The following SHOC1 variants were observed in gnomAD, a reference collection of about 807,000 sequenced individuals.
SHOC1 encodes protein shortage in chiasmata 1 ortholog.
A neutral mutation model predicts 179.2 loss-of-function variants in SHOC1; 136 were observed. The observed-to-expected ratio is 0.76, with a 90% confidence interval of 0.66 to 0.87. The LOEUF is 0.87. Ranked by LOEUF, SHOC1 falls within the 40% of genes least tolerant of loss-of-function variation. SHOC1 has a pLI of 0.00. For missense variants in SHOC1, 1,538 were observed against 1,700.8 expected (o/e 0.90, Z 1.68); for synonymous variants, 489 against 586.6 (o/e 0.83, Z 2.41).
intron 3 of SHOC1, among the ~76,000 whole-genome samples, chr9:111,782,719 A>AC (rs1554724247): frequency 6.6e-6 from 1 of 152,144 alleles, no homozygotes; most frequent in East Asian, 1.9e-4. Context: ...AGGTCTAAAA[A>AC]AAAAACAAAA....
chr9:111,707,725 C>T (rs1832342267), intron 19 of SHOC1, 130 bp downstream of exon 19: 2 of 630,842 alleles, frequency 3.2e-6, no homozygotes, highest in Non-Finnish European at 2.8e-6. Context: ...AAGCATTTTT[C>T]AGGAAGAGGG....
At position 111,758,788 on chromosome 9, in the gene SHOC1, A is replaced by C. The variant is rs1254583038; in HGVS notation, c.503T>G (p.Leu168Trp). The change falls in exon 6 of 28, where the codon TTG becomes TGG. Residue 168 changes from leucine to tryptophan, a missense_variant. By Grantham distance (61) the Leu-to-Trp change is moderately conservative. Coordinates refer to ENST00000682961, the MANE Select transcript of SHOC1 (RefSeq NM_001378211.1). ...TTTTAGTCTACTCAAGAGAGTAGGC[A>C]AAGTTGGTAGGTGTTTTCTACTACT... ...FVSSRKHLPT[L>W]PTLLSRLKLF... is the part of the protein sequence containing the mutation. 1.3e-6 allele frequency: 2 copies of C among 1,593,788 alleles called. No homozygotes were observed. The highest frequency in any genetic ancestry group is 4.5e-5 in the East Asian group (2 of 44,694).
At chr9:111,689,800 G>T (rs1831347840) in intron 27 of SHOC1, among the ~76,000 whole-genome samples, 1 of 151,992 alleles carries the variant, frequency 6.6e-6, no homozygotes, top group Non-Finnish European at 1.5e-5. Context: ...TAAAATATAG[G>T]TAGCTGTTTG....
At chr9:111,697,299 G>A (rs567276905) in intron 24 of SHOC1, among the ~76,000 whole-genome samples, 12 of 151,524 alleles carry the variant, frequency 7.9e-5, no homozygotes, top group South Asian at 6.3e-4. Flanking sequence ...CCATTAACTC[G>A]TCATTTACAT....
At chr9:111,740,893 T>TGTTC (rs1834004558) in intron 11 of SHOC1, among the ~76,000 whole-genome samples, 1 of 152,152 alleles carries the variant, frequency 6.6e-6, no homozygotes. Context: ...TTTGTTTGTT[T>TGTTC]GTTCGTTTGT....
intron 27 of SHOC1, among the ~76,000 whole-genome samples, chr9:111,690,054 A>G (rs909158525): frequency 2.0e-5 from 3 of 151,752 alleles, no homozygotes; most frequent in African/African-American, 7.3e-5. Context: ...AGGCACAAAT[A>G]AAGAACACAA....
intron 12 of SHOC1, among the ~76,000 whole-genome samples, chr9:111,734,880 A>G (rs1243732593): frequency 6.6e-6 from 1 of 152,160 alleles, no homozygotes; most frequent in Admixed American, 6.5e-5. Flanking sequence ...ACCTGGGTAT[A>G]TTGCATGATG....
intron 8 of SHOC1, among the ~76,000 whole-genome samples, chr9:111,748,894 G>C (rs1834429455): frequency 8.5e-6 from 1 of 117,664 alleles, no homozygotes; most frequent in African/African-American, 3.3e-5. Context: ...TTATCTTTTG[G>C]CTTTCTTTCT....
chr9:111,729,988 A>G (rs961928660), intron 12 of SHOC1, among the ~76,000 whole-genome samples: 1 of 152,194 alleles, frequency 6.6e-6, no homozygotes, highest in Admixed American at 6.5e-5. Flanking sequence ...CATTACAACA[A>G]TGTTCACAGA....
Position 111,691,956 on chromosome 9 carries a change from CTTTA to C in SHOC1, c.4017_4020del (p.Asn1339LysfsTer10), listed in dbSNP as rs1041645239. 4 of 1,613,730 alleles carry C rather than the reference CTTTA, an allele frequency of 2.5e-6. No homozygotes were observed. Among genetic ancestry groups the C allele is most frequent in the Non-Finnish European group, 3.4e-6 (4 of 1,179,880 alleles). ...AGTGAAAAGATAGGGTCCGATACAT[CTTTA>C]TTTATGAAACCTTTTGCTTCATGTG... On this transcript the variant is annotated frameshift_variant, in exon 27 of 28. Transcript: ENST00000682961. LOFTEE classifies it high-confidence loss of function.
At chr9:111,772,917 G>A (rs1442395041) in intron 5 of SHOC1, among the ~76,000 whole-genome samples, 1 of 152,164 alleles carries the variant, frequency 6.6e-6, no homozygotes, top group South Asian at 2.1e-4. Flanking sequence ...CAAGATGGAG[G>A]GAAAGCTAGT....
rs368191489 is a variant in SHOC1, at chr9:111,699,348, G to C, written c.3183+606C>G. On this transcript the variant is annotated intron_variant, in intron 24 of 27. Coordinates refer to ENST00000682961, the MANE Select transcript of SHOC1 (RefSeq NM_001378211.1). ...ACATGTAGAGTTTGAGGTACTTGTTGGATATTCACGTGGAGATTCCCAGTA... is the reference window on the plus strand; with the variant it reads ...ACATGTAGAGTTTGAGGTACTTGTTCGATATTCACGTGGAGATTCCCAGTA... 1.6e-4 allele frequency among the ~76,000 whole-genome samples: 25 copies of C among 152,298 alleles called. No homozygotes were observed. The South Asian group carries it at 4.6e-3, about 28-fold the overall frequency.
intron 24 of SHOC1, among the ~76,000 whole-genome samples, chr9:111,698,132 T>G (rs1471676914): frequency 6.6e-6 from 1 of 152,230 alleles, no homozygotes; most frequent in Admixed American, 6.5e-5. Flanking sequence ...GTTCTCCCAT[T>G]CTGTAGGTTG....
intron 4 of SHOC1, among the ~76,000 whole-genome samples, chr9:111,777,449 A>G (rs2131622342): frequency 6.6e-6 from 1 of 152,354 alleles, no homozygotes; most frequent in African/African-American, 2.4e-5. Flanking sequence ...CCAGGAATGA[A>G]CAAGGACAGC....
Position 111,703,952 on chromosome 9 carries a change from A to G in SHOC1, c.2896T>C (p.Leu966=). Reference sequence around the variant, plus strand: ...CACTCTGAACTTCCAAAGAGTTTCAATGACTCACTGCAGCCTCTCTCTACT... The same window carrying G: ...CACTCTGAACTTCCAAAGAGTTTCAGTGACTCACTGCAGCCTCTCTCTACT... ...SLVERGCSES[L]KLFGSSECYV... is the part of the protein sequence containing the mutation. The change falls in exon 22 of 28, where the codon TTG becomes CTG. Residue 966 remains leucine, a synonymous_variant. Transcript: ENST00000682961. The G allele has an allele frequency of 1.2e-6, 2 of 1,607,214 alleles. No homozygotes were observed. The highest frequency in any genetic ancestry group is 2.7e-5 in the African/African-American group (2 of 74,938).
At chr9:111,730,504 T>G (rs1051803742) in intron 12 of SHOC1, among the ~76,000 whole-genome samples, 3 of 152,232 alleles carry the variant, frequency 2.0e-5, no homozygotes, top group Non-Finnish European at 4.4e-5. Context: ...CTTGTATATC[T>G]CCATCAGAGC....
chr9:111,794,223 G>A (rs530025947), intron 1 of SHOC1, among the ~76,000 whole-genome samples: 79 of 149,952 alleles, frequency 5.3e-4, no homozygotes, highest in African/African-American at 1.8e-3. Flanking sequence ...CTCCCCACCA[G>A]CCTAAGGCAT....
chr9:111,789,935 T>G (rs184611888), intron 2 of SHOC1, among the ~76,000 whole-genome samples: 1 of 152,310 alleles, frequency 6.6e-6, no homozygotes, highest in East Asian at 1.9e-4. Context: ...TCCTGTAAAA[T>G]GTAGCACAGT....
chr9:111,749,771 G>A lies in SHOC1; in HGVS notation c.863-1572C>T, dbSNP rs12339484. On this transcript the variant is annotated intron_variant, in intron 8 of 27. Transcript: ENST00000682961. ...CTCCCACTTATAAGTGAGAACATGT[G>A]GTGTTTGGCTTTCTGTTCCTGCATT... is the stretch of plus-strand genomic sequence containing the variant. 9.4e-3 allele frequency among the ~76,000 whole-genome samples: 1,432 copies of A among 152,086 alleles called. 18 individuals carry two copies. The highest frequency in any genetic ancestry group is 0.031 in the African/African-American group (1,303 of 41,472).
Sources: gnomAD v4.1 joint callset for allele counts (sites outside exome capture counted in the v4.1 genomes callset) on GRCh38, gnomAD v4.1.1 for gene constraint, MANE v1.5 for transcripts, NCBI Gene and HGNC (gene_info 2026-07-23, HGNC 2026-07-21) for gene names.